QKI: variants seen among roughly 807,000 people sequenced by gnomAD.
QKI encodes the protein KH domain-containing RNA-binding protein QKI.
A neutral mutation model predicts 39.0 loss-of-function variants in QKI; 10 were observed. The observed-to-expected ratio is 0.26, with a 90% confidence interval of 0.16 to 0.43. The LOEUF (loss-of-function observed/expected upper bound fraction) is 0.43. QKI is among the 20% of genes least tolerant of loss of function. The pLI is 1.00. For missense variants in QKI, 218 were observed against 428.0 expected (o/e 0.51, Z 4.33); for synonymous variants, 204 against 155.4 (o/e 1.31, Z -2.33).
At chr6:163,471,310 C>T (rs545155143) in intron 2 of QKI, among the ~76,000 whole-genome samples, 2 of 152,082 alleles carry the variant, frequency 1.3e-5, no homozygotes, top group South Asian at 2.1e-4. Context: ...TACTAGAAGA[C>T]GTTCACTAAA....
intron 4 of QKI, among the ~76,000 whole-genome samples, chr6:163,560,689 A>G (rs1398190860): frequency 1.3e-5 from 2 of 152,240 alleles, no homozygotes; most frequent in East Asian, 3.9e-4. Context: ...GGACCAGATT[A>G]TAGGCAACTA....
intron 3 of QKI, among the ~76,000 whole-genome samples, chr6:163,522,948 A>C (rs1780250489): frequency 6.6e-6 from 1 of 151,830 alleles, no homozygotes; most frequent in Non-Finnish European, 1.5e-5. Flanking sequence ...CAAATGATGG[A>C]ACCTCCTGTT....
intron 4 of QKI, among the ~76,000 whole-genome samples, chr6:163,544,238 G>A (rs564202093): frequency 6.6e-5 from 10 of 152,134 alleles, no homozygotes; most frequent in South Asian, 2.1e-4. Flanking sequence ...ATATGTGGGC[G>A]TTGCATTAGG....
intron 2 of QKI, 74 bp from the exon 3 acceptor site, chr6:163,478,704 GAT>G (rs1792821200): frequency 1.1e-6 from 1 of 927,426 alleles, no homozygotes; most frequent in Non-Finnish European, 1.7e-6. Flanking sequence ...AGTAAATGTA[GAT>G]ATACTTTATA....
At chr6:163,570,447 T>TG (rs1783635393) in intron 7 of QKI, 1 of 801,278 alleles carries the variant, frequency 1.2e-6, no homozygotes, top group African/African-American at 1.8e-5. Context: ...TTAACCAGTT[T>TG]TTTTTTTTTT....
chr6:163,482,755 G>C (rs181003658), intron 3 of QKI, among the ~76,000 whole-genome samples: 153 of 152,260 alleles, frequency 1.0e-3, no homozygotes, highest in Middle Eastern at 3.4e-3. Flanking sequence ...CCACCCTCCA[G>C]GTGCATCCAT....
chr6:163,479,394 C>T (rs182115235), intron 3 of QKI, among the ~76,000 whole-genome samples: 7 of 152,270 alleles, frequency 4.6e-5, no homozygotes, highest in African/African-American at 1.4e-4. Context: ...ATTTTTGAGA[C>T]GGAGTCTCGC....
chr6:163,434,312 TAA>T (rs1582978974), intron 1 of QKI, among the ~76,000 whole-genome samples: 1 of 152,218 alleles, frequency 6.6e-6, no homozygotes, highest in Non-Finnish European at 1.5e-5. Context: ...TATAATCTGA[TAA>T]TCCCTCTTAT....
rs996975682 is a variant in QKI, at chr6:163,421,604, T to G, written c.142+6269T>G. Among the ~76,000 whole-genome samples the G allele has an allele frequency of 6.6e-5, 10 of 152,318 alleles. No homozygotes were observed. In the South Asian group the frequency reaches 2.1e-3, roughly 32 times the overall value. ...TAGTTTAAAAGAAAGCTGAGTATAA[T>G]CATATGTGGCTGATTGTCATTTAAC... On this transcript the variant is annotated intron_variant, in intron 1 of 7. Transcript: ENST00000361752.
chr6:163,488,512 C>T (rs997299427), intron 3 of QKI, among the ~76,000 whole-genome samples: 11 of 152,200 alleles, frequency 7.2e-5, no homozygotes, highest in African/African-American at 2.6e-4. Context: ...CTTATTTTCT[C>T]ACTGAAAATT....
Position 163,415,193 on chromosome 6 carries a change from T to G in QKI, c.-1T>G. 2 of 1,554,004 alleles carry G rather than the reference T, an allele frequency of 1.3e-6. No individual in the cohort carries two copies. Among genetic ancestry groups the G allele is most frequent in the Non-Finnish European group, 1.7e-6 (2 of 1,144,274 alleles). On this transcript the variant is annotated 5_prime_UTR_variant, in exon 1 of 8. Coordinates refer to ENST00000361752, the MANE Select transcript of QKI (RefSeq NM_006775.3). ...GCGGAGTGAGCTGCGGAGCCTGGAATATGGTCGGGGAAATGGAAACGAAGG... is the reference window on the plus strand; with the variant it reads ...GCGGAGTGAGCTGCGGAGCCTGGAAGATGGTCGGGGAAATGGAAACGAAGG...
At chr6:163,502,827 G>A (rs562132387) in intron 3 of QKI, among the ~76,000 whole-genome samples, 1 of 152,226 alleles carries the variant, frequency 6.6e-6, no homozygotes, top group South Asian at 2.1e-4. Context: ...AGTTGCATGT[G>A]TCTTTTTGGT....
At chr6:163,563,981 T>C (rs1248001312) in intron 6 of QKI, 1 of 1,311,146 alleles carries the variant, frequency 7.6e-7, no homozygotes, top group African/African-American at 1.5e-5. Context: ...CAACAAATAC[T>C]TTTACATTTG....
chr6:163,482,705 G>A (rs1260446487), intron 3 of QKI, among the ~76,000 whole-genome samples: 1 of 152,286 alleles, frequency 6.6e-6, no homozygotes, highest in Non-Finnish European at 1.5e-5. Context: ...GGCAAGACAT[G>A]TGGGAAGGGG....
At chr6:163,433,928 G>A (rs1229864328) in intron 1 of QKI, among the ~76,000 whole-genome samples, 1 of 152,084 alleles carries the variant, frequency 6.6e-6, no homozygotes, top group Admixed American at 6.6e-5. Context: ...TGTCTGTACT[G>A]CCTGTGATGC....
chr6:163,416,673 A>G (rs1343169026), intron 1 of QKI, among the ~76,000 whole-genome samples: 1 of 152,250 alleles, frequency 6.6e-6, no homozygotes, highest in Non-Finnish European at 1.5e-5. Flanking sequence ...CTTGAAAGTC[A>G]TAGAAACAAC....
At chr6:163,562,129 T>G in intron 5 of QKI, 60 bp downstream of exon 5, 1 of 1,323,594 alleles carries the variant, frequency 7.6e-7, no homozygotes, top group Non-Finnish European at 1.0e-6. Context: ...TCTACAGACT[T>G]TTTTCCTTTT....
chr6:163,496,152 T>C (rs1778390649), intron 3 of QKI, among the ~76,000 whole-genome samples: 1 of 152,192 alleles, frequency 6.6e-6, no homozygotes, highest in Admixed American at 6.5e-5. Flanking sequence ...CATATCCCAT[T>C]CGTTTGCTGA....
chr6:163,530,063 C>G (rs1411517862), intron 3 of QKI, among the ~76,000 whole-genome samples: 1 of 152,058 alleles, frequency 6.6e-6, no homozygotes, highest in East Asian at 1.9e-4. Context: ...TTCTATGTTG[C>G]TGAAGATTTA....
Sources: gnomAD v4.1 joint callset for allele counts (sites outside exome capture counted in the v4.1 genomes callset) on GRCh38, gnomAD v4.1.1 for gene constraint, MANE v1.5 for transcripts, NCBI Gene and HGNC (gene_info 2026-07-23, HGNC 2026-07-21) for gene names.